The following TAMM41 variants were observed in gnomAD, a reference collection of about 807,000 sequenced individuals.
The protein encoded by TAMM41 is TAM41 mitochondrial translocator assembly and maintenance homolog.
TAMM41 carries 36 observed loss-of-function variants against 44.1 expected under a neutral mutation model. The observed-to-expected ratio is 0.82, with a 90% CI of 0.63 to 1.08. The LOEUF (loss-of-function observed/expected upper bound fraction) is 1.08, where lower values mean the gene tolerates loss of function less well. TAMM41 is among the 50% of genes least tolerant of loss of function. The pLI is 0.00. For missense variants in TAMM41, 417 were observed against 404.3 expected (o/e 1.03, Z -0.27); for synonymous variants, 164 against 153.1 (o/e 1.07, Z -0.53).
intron 4 of TAMM41, among the ~76,000 whole-genome samples, chr3:11,817,750 G>A (rs542867567): frequency 5.3e-5 from 8 of 152,258 alleles, no homozygotes; most frequent in South Asian, 2.1e-4. Flanking sequence ...CTTCCTCATC[G>A]TTGACCTGTC....
chr3:11,755,404 C>G, the TAMM41 span, among the ~76,000 whole-genome samples: 5 of 152,164 alleles, frequency 3.3e-5, no homozygotes, highest in African/African-American at 1.2e-4. Flanking sequence ...TTGAGGAAGG[C>G]CTGTTGCAGG....
chr3:11,788,805 C>G (rs539739262), downstream of TAMM41, among the ~76,000 whole-genome samples: 69 of 152,152 alleles, frequency 4.5e-4, no homozygotes, highest in African/African-American at 1.6e-3. Context: ...GGCGTGGTGG[C>G]AGCCACCTGT....
chr3:11,804,055 CTTAAACG>C (rs1231560140), intron 7 of TAMM41, among the ~76,000 whole-genome samples: 1 of 152,064 alleles, frequency 6.6e-6, no homozygotes, highest in Non-Finnish European at 1.5e-5. Context: ...ACTTGTATTC[CTTAAACG>C]TTTTAAAAAT....
chr3:11,846,621 G>A lies in TAMM41; in HGVS notation c.16C>T (p.Leu6=), dbSNP rs143128094. ...CGGAAGGTCACCCACGAGCTCTGCA[G>A]CGTCTGCAGCGCCATGGGGTCGAGG... The part of the protein sequence containing the change: MALQT[L]QSSWVTFRKI... Residue 6 remains leucine (L), a synonymous_variant, in exon 1 of 8, where the codon CTG becomes TTG. Transcript: ENST00000455809. 1.1e-4 allele frequency: 180 copies of A among 1,614,256 alleles called. No homozygotes were observed. The African/African-American group carries it at 1.7e-3, about 16-fold the overall frequency.
rs116083003 is a variant in TAMM41, at chr3:11,831,958, C to A, written c.412-2094G>T. On this transcript the variant is annotated intron_variant, in intron 3 of 7. Coordinates refer to ENST00000455809, the MANE Select transcript of TAMM41 (RefSeq NM_001284401.2). ...TAGGTGAGTTTAGTATTACTGCAAT[C>A]ATCTGCAGAGAGTAACCCATGACCA... Among the ~76,000 whole-genome samples the A allele has an allele frequency of 6.5e-3, 993 of 152,282 alleles. 11 individuals are homozygous for A. The highest frequency in any genetic ancestry group is 0.023 in the African/African-American group (945 of 41,548).
chr3:11,826,176 CAAT>C (rs1468873610), intron 4 of TAMM41, among the ~76,000 whole-genome samples: 4 of 152,240 alleles, frequency 2.6e-5, no homozygotes, highest in African/African-American at 4.8e-5. Flanking sequence ...ATCTGACCAA[CAAT>C]AATACATAAA....
intron 7 of TAMM41, among the ~76,000 whole-genome samples, chr3:11,797,272 C>G (rs989058766): frequency 6.6e-6 from 1 of 152,194 alleles, no homozygotes; most frequent in African/African-American, 2.4e-5. Flanking sequence ...GTAACCAAAA[C>G]AGCATGGTGC....
chr3:11,846,049 G>A (rs983386286), intron 1 of TAMM41, among the ~76,000 whole-genome samples: 14 of 152,206 alleles, frequency 9.2e-5, no homozygotes, highest in Middle Eastern at 3.2e-3. Flanking sequence ...AACAAACTTG[G>A]CTGCGCATTA....
intron 5 of TAMM41, among the ~76,000 whole-genome samples, chr3:11,813,523 C>G (rs1217327690): frequency 6.6e-6 from 1 of 152,110 alleles, no homozygotes; most frequent in Non-Finnish European, 1.5e-5. Context: ...AAGAAAGACT[C>G]CATCTCAAAA....
At chr3:11,761,717 C>T in the TAMM41 span, among the ~76,000 whole-genome samples, 5 of 152,032 alleles carry the variant, frequency 3.3e-5, no homozygotes, top group Middle Eastern at 3.4e-3. Flanking sequence ...GAGGCCGAGG[C>T]GGGTGGATCA....
the TAMM41 span, among the ~76,000 whole-genome samples, chr3:11,731,324 T>C: frequency 1.3e-5 from 2 of 152,124 alleles, no homozygotes; most frequent in Non-Finnish European, 2.9e-5. Flanking sequence ...TTCCAGGACA[T>C]AGAAGCGTTA....
intron 4 of TAMM41, among the ~76,000 whole-genome samples, chr3:11,822,032 T>A (rs2078544070): frequency 6.6e-6 from 1 of 152,144 alleles, no homozygotes. Context: ...ATGAACTTCG[T>A]GTTTAGACCT....
the TAMM41 span, among the ~76,000 whole-genome samples, chr3:11,745,111 C>T: frequency 6.6e-6 from 1 of 152,134 alleles, no homozygotes; most frequent in Non-Finnish European, 1.5e-5. Context: ...GATCTGCCTG[C>T]CTCAGCCTGC....
chr3:11,836,753 A>C (rs9843321), intron 3 of TAMM41, among the ~76,000 whole-genome samples: 23,698 of 152,262 alleles, frequency 0.16, 4,070 homozygotes, highest in East Asian at 0.51. Context: ...CGTGAGCCAC[A>C]GTGCCTGGCC....
At chr3:11,742,428 T>C in the TAMM41 span, among the ~76,000 whole-genome samples, 7 of 150,422 alleles carry the variant, frequency 4.7e-5, 1 homozygote, top group South Asian at 1.5e-3. Flanking sequence ...AGGCCTTTCC[T>C]TTTGTCGCGG....
the TAMM41 span, among the ~76,000 whole-genome samples, chr3:11,747,211 C>T: frequency 1.1e-4 from 16 of 152,122 alleles, no homozygotes; most frequent in Admixed American, 3.9e-4. Flanking sequence ...TACAGGCGCA[C>T]GCCACCATGC....
At chr3:11,790,670 T>C in intron 7 of TAMM41, 89 bp from the exon 8 acceptor site, 1 of 1,204,766 alleles carries the variant, frequency 8.3e-7, no homozygotes. Flanking sequence ...AGACTTGTCT[T>C]TGGAGGAGGG....
rs76203219 is a variant in TAMM41, at chr3:11,799,685, A to G, written c.937+8148T>C. Among the ~76,000 whole-genome samples the G allele has an allele frequency of 8.8e-4, 134 of 152,348 alleles. 2 individuals are homozygous for G. In the East Asian group the frequency reaches 0.021, roughly 23 times the overall value. On this transcript the variant is annotated intron_variant, in intron 7 of 7. Transcript: ENST00000455809. ...AAAAATTTATTTAAGGAAATAATCAATGAAAGCTTCCCAAGTCTAGCAAGT... is the reference window on the plus strand; with the variant it reads ...AAAAATTTATTTAAGGAAATAATCAGTGAAAGCTTCCCAAGTCTAGCAAGT...
At chr3:11,823,066 T>A (rs999388209) in intron 4 of TAMM41, among the ~76,000 whole-genome samples, 1 of 152,186 alleles carries the variant, frequency 6.6e-6, no homozygotes, top group Non-Finnish European at 1.5e-5. Context: ...ATCACAGCCA[T>A]TGTAGCAGGT....
Sources: gnomAD v4.1 joint callset for allele counts (sites outside exome capture counted in the v4.1 genomes callset) on GRCh38, gnomAD v4.1.1 for gene constraint, MANE v1.5 for transcripts, NCBI Gene and HGNC (gene_info 2026-07-23, HGNC 2026-07-21) for gene names.